Variants in CD2AP observed in about 807,000 individuals in gnomAD.
CD2AP encodes the protein CD2-associated protein.
A neutral mutation model predicts 85.1 loss-of-function variants in CD2AP; 46 were observed. That is an observed-to-expected ratio of 0.54 (90% CI 0.43 to 0.69). The LOEUF is 0.69. Ranked by LOEUF, CD2AP falls within the 30% of genes least tolerant of loss-of-function variation. CD2AP has a pLI of 0.00. For missense variants in CD2AP, 769 were observed against 729.5 expected, an observed-to-expected ratio of 1.05 and a Z score of -0.62; for synonymous variants, 255 against 252.9, an observed-to-expected ratio of 1.01 and a Z score of -0.08.
At chr6:47,531,847 C>A (rs535892830) in intron 2 of CD2AP, among the ~76,000 whole-genome samples, 1 of 151,928 alleles carries the variant, frequency 6.6e-6, no homozygotes, top group South Asian at 2.1e-4. Flanking sequence ...TCGAGGCAGG[C>A]AGATCACCTG....
intron 2 of CD2AP, among the ~76,000 whole-genome samples, chr6:47,510,650 G>T (rs1045793292): frequency 1.3e-5 from 2 of 152,106 alleles, no homozygotes; most frequent in South Asian, 2.1e-4. Flanking sequence ...TAAATAAATG[G>T]TTGAATAAAT....
chr6:47,514,716 G>A (rs1254756717), intron 2 of CD2AP, among the ~76,000 whole-genome samples: 2 of 152,126 alleles, frequency 1.3e-5, no homozygotes, highest in Non-Finnish European at 2.9e-5. Flanking sequence ...GATGATAGGT[G>A]TTACAGAATC....
At chr6:47,508,084 C>G (rs1582492179) in intron 2 of CD2AP, among the ~76,000 whole-genome samples, 1 of 152,202 alleles carries the variant, frequency 6.6e-6, no homozygotes, top group East Asian at 1.9e-4. Context: ...GGTGAATATG[C>G]AATGACTTCC....
Position 47,610,971 on chromosome 6 carries a change from A to ATATATATT in CD2AP, c.1815-1501_1815-1500insATATATTT. Among the ~76,000 whole-genome samples, 215 of 112,852 alleles carry ATATATATT rather than the reference A, an allele frequency of 1.9e-3. 1 individual carries two copies. The highest frequency in any genetic ancestry group is 5.3e-3 in the Middle Eastern group (1 of 188). The allele number at this position is 112,852 out of a possible 152,430, so 74.0% of individuals were successfully genotyped here. A position where few individuals can be genotyped will look rare whatever the true frequency, so the allele number is the denominator to read the frequency against. On this transcript the variant is annotated intron_variant, in intron 16 of 17. Coordinates refer to ENST00000359314, the MANE Select transcript of CD2AP (RefSeq NM_012120.3). ...GATTTATATATATATATATATATGT[A>ATATATATT]TTTTTTTTTTTTTTTGAATATAAAA...
At chr6:47,607,890 G>C (rs756669897) in intron 14 of CD2AP, 37 bp from the exon 15 acceptor site, 2 of 1,358,588 alleles carry the variant, frequency 1.5e-6, no homozygotes, top group African/African-American at 2.9e-5. Context: ...CTTTTCTTTG[G>C]TCTATTATGT....
rs540729928 is a variant in CD2AP at position 47,593,392 on chromosome 6, C to T, written c.1109-2469C>T. On this transcript the variant is annotated intron_variant, in intron 11 of 17. Coordinates refer to ENST00000359314, the MANE Select transcript of CD2AP (RefSeq NM_012120.3). ...TACAACTTAACAACAAAAAGACAAA[C>T]CTGTTTAAAACTGCAGCACAGGCTG... 3.2e-4 allele frequency among the ~76,000 whole-genome samples: 48 copies of T among 152,010 alleles called. No homozygotes were observed. The South Asian group carries it at 9.6e-3, about 30-fold the overall frequency.
In CD2AP at chr6:47,533,562, A is replaced by G. The variant is rs916985184; in HGVS notation, c.166-40A>G. ...CATTTGAGGATTTAATATAAAAAATATAACTTAACTTGCCTCTTTATTTAT... is the reference window on the plus strand; with the variant it reads ...CATTTGAGGATTTAATATAAAAAATGTAACTTAACTTGCCTCTTTATTTAT... On this transcript the variant is annotated intron_variant, in intron 2 of 17. Coordinates refer to ENST00000359314, the MANE Select transcript of CD2AP (RefSeq NM_012120.3). 5.0e-6 allele frequency: 8 copies of G among 1,589,522 alleles called. No individual in the cohort carries two copies. In the Admixed American group the frequency reaches 5.0e-5, roughly 10 times the overall value.
chr6:47,598,601 A>G (rs963240396), intron 12 of CD2AP, among the ~76,000 whole-genome samples: 1 of 151,040 alleles, frequency 6.6e-6, no homozygotes, highest in African/African-American at 2.4e-5. Context: ...TGGCATTCAC[A>G]GCAACCTGGA....
chr6:47,573,794 T>C (rs955272096), intron 5 of CD2AP, among the ~76,000 whole-genome samples: 2 of 152,148 alleles, frequency 1.3e-5, no homozygotes, highest in African/African-American at 4.8e-5. Context: ...ATGCTGTTTT[T>C]AAGGACCTCG....
chr6:47,493,738 A>AT (rs1162245398), intron 1 of CD2AP, among the ~76,000 whole-genome samples: 7 of 151,554 alleles, frequency 4.6e-5, no homozygotes, highest in Non-Finnish European at 8.8e-5. Flanking sequence ...CTGTCCTGGG[A>AT]TTTTTTTGTT....
intron 11 of CD2AP, among the ~76,000 whole-genome samples, chr6:47,587,476 A>C (rs1453783755): frequency 1.3e-5 from 2 of 152,152 alleles, no homozygotes; most frequent in Admixed American, 6.5e-5. Context: ...GATTTTCTCA[A>C]ACCTGCTTAG....
chr6:47,624,811 T>G lies in CD2AP; in HGVS notation c.*584T>G, dbSNP rs1261220340. Reference sequence around the variant, plus strand: ...TCTGCAATGCTGTTTATATTTTGGGTGATGAAATAGGAGTTTCCTAGCTAT... The same window carrying G: ...TCTGCAATGCTGTTTATATTTTGGGGGATGAAATAGGAGTTTCCTAGCTAT... On this transcript the variant is annotated 3_prime_UTR_variant, in exon 18 of 18. Coordinates refer to ENST00000359314, the MANE Select transcript of CD2AP (RefSeq NM_012120.3). The G allele has an allele frequency of 6.6e-6, 1 of 151,674 alleles. No individual in the cohort carries two copies. Among genetic ancestry groups the G allele is most frequent in the Admixed American group, 6.6e-5 (1 of 15,206 alleles). 9.4% of individuals were successfully genotyped at this position (151,674 alleles called of 1,614,324 possible).
At chr6:47,557,553 G>GT (rs1767730073) in intron 5 of CD2AP, among the ~76,000 whole-genome samples, 1 of 152,116 alleles carries the variant, frequency 6.6e-6, no homozygotes, top group Non-Finnish European at 1.5e-5. Flanking sequence ...CAGCTAGCCA[G>GT]TTTTTCCAAC....
At chr6:47,478,280 C>T in intron 1 of CD2AP, 32 bp downstream of exon 1, 1 of 1,566,560 alleles carries the variant, frequency 6.4e-7, no homozygotes, top group Non-Finnish European at 8.6e-7. Context: ...CGCCGCCCGT[C>T]CGGACCTTCC....
At chr6:47,537,026 T>G (rs1767069653) in intron 3 of CD2AP, among the ~76,000 whole-genome samples, 1 of 152,224 alleles carries the variant, frequency 6.6e-6, no homozygotes, top group African/African-American at 2.4e-5. Context: ...AAACTCACGC[T>G]ACAGCAGAAG....
rs1329070142 is a variant in CD2AP at position 47,533,857 on chromosome 6, C to G, written c.319+102C>G. On this transcript the variant is annotated intron_variant, in intron 3 of 17. Coordinates refer to ENST00000359314, the MANE Select transcript of CD2AP (RefSeq NM_012120.3). ...AATTAGTTCAGTCTTTTGTAGACAACTACAGTAACTTCCTGCAAAGTCTCA... is the reference window on the plus strand; with the variant it reads ...AATTAGTTCAGTCTTTTGTAGACAAGTACAGTAACTTCCTGCAAAGTCTCA... 4 of 1,158,138 alleles carry G rather than the reference C, an allele frequency of 3.5e-6. No individual in the cohort carries two copies. In the African/African-American group the frequency reaches 6.2e-5, roughly 18 times the overall value. The allele number at this position is 1,158,138 out of a possible 1,614,324, so 71.7% of individuals were successfully genotyped here. A position where few individuals can be genotyped will look rare whatever the true frequency, so the allele number is the denominator to read the frequency against.
At chr6:47,520,730 G>GTTT (rs35163088) in intron 2 of CD2AP, among the ~76,000 whole-genome samples, 17 of 86,376 alleles carry the variant, frequency 2.0e-4, no homozygotes, top group East Asian at 2.8e-4. Context: ...TGGTGCTACA[G>GTTT]TTTTTTTTTT....
At chr6:47,533,283 G>A (rs1418401037) in intron 2 of CD2AP, among the ~76,000 whole-genome samples, 1 of 151,818 alleles carries the variant, frequency 6.6e-6, no homozygotes, top group Non-Finnish European at 1.5e-5. Context: ...TAGAAAGTTT[G>A]TTTACCCCTG....
At position 47,574,129 on chromosome 6, in the gene CD2AP, G is replaced by T; in HGVS notation, c.607G>T (p.Gly203Ter). The T allele has an allele frequency of 6.2e-7, 1 of 1,613,946 alleles. No individual in the cohort carries two copies. Among genetic ancestry groups the T allele is most frequent in the Non-Finnish European group, 8.5e-7 (1 of 1,179,898 alleles). Reference protein sequence around the residue: ...SLGNVSETASGSVTQPKKIRG... With the variant: ...SLGNVSETAS ...GGGAAATGTGAGTGAAACTGCATCT[G>T]GATCAGTTACACAGCCAAAGAAAAT... The change falls in exon 6 of 18, where the codon GGA becomes TGA. Residue 203 changes from glycine to a stop codon, truncating the protein, a stop_gained. Transcript: ENST00000359314. LOFTEE classifies it high-confidence loss of function.
Sources: gnomAD v4.1 joint callset for allele counts (sites outside exome capture counted in the v4.1 genomes callset) on GRCh38, gnomAD v4.1.1 for gene constraint, MANE v1.5 for transcripts, NCBI Gene and HGNC (gene_info 2026-07-23, HGNC 2026-07-21) for gene names.